TMPRSS4: variants seen among roughly 807,000 people sequenced by gnomAD.
The protein encoded by TMPRSS4 is transmembrane serine protease 4, also known as transmembrane protease serine 4.
In TMPRSS4, 45 loss-of-function variants were observed where a neutral mutation model predicts 56.4. That is an observed-to-expected ratio of 0.80 (90% CI 0.63 to 1.02). The LOEUF (loss-of-function observed/expected upper bound fraction) is 1.02. Ranked by LOEUF, TMPRSS4 falls within the 50% of genes least tolerant of loss-of-function variation. The pLI, the probability that TMPRSS4 is intolerant of heterozygous loss-of-function variation, is 0.00. For synonymous variants in TMPRSS4, 205 were observed against 211.0 expected (o/e 0.97, Z 0.25); for missense variants, 546 against 556.7 (o/e 0.98, Z 0.19).
At chr11:118,106,487 T>A (rs1167280277) in intron 5 of TMPRSS4, 2 of 143,144 alleles carry the variant, frequency 1.4e-5, no homozygotes, top group African/African-American at 5.4e-5. Flanking sequence ...AGTCCACGCA[T>A]CTTTTTTTTT....
chr11:118,117,765 A>G, intron 12 of TMPRSS4, 137 bp from the exon 13 acceptor site: 3 of 1,561,156 alleles, frequency 1.9e-6, no homozygotes, highest in Non-Finnish European at 2.6e-6. Context: ...GGAAAGGCTC[A>G]TGAGACCTCC....
intron 1 of TMPRSS4, among the ~76,000 whole-genome samples, chr11:118,092,633 T>C (rs758052254): frequency 1.3e-5 from 2 of 152,230 alleles, no homozygotes; most frequent in East Asian, 3.8e-4. Context: ...ATTTCTAATC[T>C]TGGGGCTAAC....
intron 1 of TMPRSS4, among the ~76,000 whole-genome samples, chr11:118,079,623 T>G (rs1242956171): frequency 6.6e-6 from 1 of 152,186 alleles, no homozygotes; most frequent in African/African-American, 2.4e-5. Context: ...ACGTGGGTGT[T>G]AACACCTGAG....
In TMPRSS4 at chr11:118,099,493, G is replaced by GAAAGAAAGAAAA. The variant is rs1946622446; in HGVS notation, c.157+404_157+405insAAAAAAGAAAGA. On this transcript the variant is annotated intron_variant, in intron 3 of 12. Coordinates refer to ENST00000437212, the MANE Select transcript of TMPRSS4 (RefSeq NM_019894.4). ...AAAGAAAGAAAGAAAAAGAAAGAAA[G>GAAAGAAAGAAAA]AAAGAAAGACATGTATCCACCCCCT... 2.6e-5 allele frequency among the ~76,000 whole-genome samples: 4 copies of GAAAGAAAGAAAA among 151,740 alleles called. No individual in the cohort carries two copies. The South Asian group carries it at 8.4e-4, about 32-fold the overall frequency.
At position 118,119,232 on chromosome 11, in the gene TMPRSS4, C is replaced by T. The variant is rs929455171; in HGVS notation, c.*1319C>T. The T allele has an allele frequency of 6.1e-6, 6 of 985,364 alleles. No homozygotes were observed. The African/African-American group carries it at 7.0e-5, about 11-fold the overall frequency. The allele number at this position is 985,364 out of a possible 1,614,324, so 61.0% of individuals were successfully genotyped here. ...GGAGCAATACACTAAAATCTTGGGT[C>T]GAGACCTATATGAAGGCTGGCAGTG... On this transcript the variant is annotated 3_prime_UTR_variant, in exon 13 of 13. Coordinates refer to ENST00000437212, the MANE Select transcript of TMPRSS4 (RefSeq NM_019894.4).
At chr11:118,112,325 C>T (rs975261128) in intron 8 of TMPRSS4, among the ~76,000 whole-genome samples, 4 of 150,334 alleles carry the variant, frequency 2.7e-5, no homozygotes, top group Admixed American at 2.0e-4. Flanking sequence ...TCCTTTCAGT[C>T]CACAGAGAAG....
intron 9 of TMPRSS4, 67 bp downstream of exon 9, chr11:118,113,502 C>G (rs1317421269): frequency 1.0e-5 from 16 of 1,562,370 alleles, no homozygotes; most frequent in African/African-American, 1.4e-5. Context: ...CTGCTATTAG[C>G]TCACTGACCG....
chr11:118,097,164 C>T (rs1229855837), intron 2 of TMPRSS4, among the ~76,000 whole-genome samples: 1 of 151,080 alleles, frequency 6.6e-6, no homozygotes, highest in Non-Finnish European at 1.5e-5. Flanking sequence ...GGACCAAGCA[C>T]TGTTCTAGGC....
intron 1 of TMPRSS4, among the ~76,000 whole-genome samples, chr11:118,082,422 G>A (rs376440406): frequency 6.6e-5 from 10 of 152,032 alleles, no homozygotes; most frequent in South Asian, 6.2e-4. Context: ...TTAGCCGAGC[G>A]CAGTAGCTCA....
In TMPRSS4 at chr11:118,120,770, C is replaced by T. The variant is rs549407511; in HGVS notation, c.*2857C>T. ...GGTAAATTCTAACATATCCAGAATC[C>T]CAGAAAGAGAGAATCAAGACAATGA... On this transcript the variant is annotated 3_prime_UTR_variant, in exon 13 of 13. Transcript: ENST00000437212. 1 of 151,888 alleles carries T rather than the reference C, an allele frequency of 6.6e-6. No individual in the cohort carries two copies. Among genetic ancestry groups the T allele is most frequent in the African/African-American group, 2.4e-5 (1 of 41,382 alleles). The allele number at this position is 151,888 out of a possible 1,614,324, so 9.4% of individuals were successfully genotyped here.
In TMPRSS4 at chr11:118,103,221, T is replaced by A. The variant is rs1329085009; in HGVS notation, c.278T>A (p.Val93Asp). The A allele has an allele frequency of 1.1e-5, 17 of 1,614,072 alleles. No homozygotes were observed. Among genetic ancestry groups the A allele is most frequent in the Non-Finnish European group, 1.4e-5 (16 of 1,180,008 alleles). ...TTGGGGGAGGACGAGGAGCACTGTG[T>A]CAAGAGCTTCCCCGAAGGGCCTGCA... is the stretch of plus-strand genomic sequence containing the variant. Reference protein sequence around the residue: ...CPLGEDEEHCVKSFPEGPAVA... With the variant: ...CPLGEDEEHCDKSFPEGPAVA... Residue 93 changes from valine (V) to aspartate (D), a missense_variant, in exon 4 of 13, where the codon GTC becomes GAC. Transcript: ENST00000437212.
intron 3 of TMPRSS4, among the ~76,000 whole-genome samples, chr11:118,099,550 A>G (rs1299334901): frequency 6.6e-6 from 1 of 152,196 alleles, no homozygotes; most frequent in Non-Finnish European, 1.5e-5. Flanking sequence ...TAAAAGTGAA[A>G]GGGGAGATGA....
chr11:118,119,459 C>T lies in TMPRSS4; in HGVS notation c.*1546C>T, dbSNP rs1335007456. 12 of 704,832 alleles carry T rather than the reference C, an allele frequency of 1.7e-5. No homozygotes were observed. The highest frequency in any genetic ancestry group is 1.9e-5 in the African/African-American group (1 of 51,892). The allele number at this position is 704,832 out of a possible 1,614,324, so 43.7% of individuals were successfully genotyped here. On this transcript the variant is annotated 3_prime_UTR_variant, in exon 13 of 13. Transcript: ENST00000437212. ...ATCAGAGACGTTGAAAAATAAAAAA[C>T]ACCTTAAGTGGGCAGCATAAAAAAC...
Position 118,104,824 on chromosome 11 carries a change from A to G in TMPRSS4, c.440+4A>G. 6.3e-7 allele frequency: 1 copy of G among 1,585,652 alleles called. No homozygotes were observed. The highest frequency in any genetic ancestry group is 1.1e-5 in the South Asian group (1 of 87,680). On this transcript the variant is annotated splice_donor_region_variant and intron_variant, in intron 5 of 12. Coordinates refer to ENST00000437212, the MANE Select transcript of TMPRSS4 (RefSeq NM_019894.4). The stretch of plus-strand genomic sequence containing the variant: ...GTAGGCAGATGGGCTACAGCAGGTA[A>G]CCAACCTGGGCCTCTCTCCTTTTTC...
Position 118,120,933 on chromosome 11 carries a change from T to A in TMPRSS4, c.*3020T>A, listed in dbSNP as rs1947771739. 6.6e-6 allele frequency: 1 copy of A among 152,180 alleles called. No individual in the cohort carries two copies. The highest frequency in any genetic ancestry group is 2.4e-5 in the African/African-American group (1 of 41,444). The allele number at this position is 152,180 out of a possible 1,614,324, so 9.4% of individuals were successfully genotyped here. ...AAATTAGAATAAATCCACACCTATG[T>A]ACATTATAATGAAACTGCAGAACAC... On this transcript the variant is annotated 3_prime_UTR_variant, in exon 13 of 13. Transcript: ENST00000437212.
In TMPRSS4 at chr11:118,118,932, T is replaced by A; in HGVS notation, c.*1019T>A. ...CAGTCCCCAAGCTGAGTTGTGAGGA[T>A]GTAAGCATGAATAAGTCCCTGCACT... On this transcript the variant is annotated 3_prime_UTR_variant, in exon 13 of 13. Coordinates refer to ENST00000437212, the MANE Select transcript of TMPRSS4 (RefSeq NM_019894.4). The A allele has an allele frequency of 1.0e-6, 1 of 985,394 alleles. No homozygotes were observed. The highest frequency in any genetic ancestry group is 1.2e-6 in the Non-Finnish European group (1 of 829,932). The allele number at this position is 985,394 out of a possible 1,614,324, so 61.0% of individuals were successfully genotyped here.
At chr11:118,080,864 T>C (rs1283648073) in intron 1 of TMPRSS4, among the ~76,000 whole-genome samples, 1 of 152,220 alleles carries the variant, frequency 6.6e-6, no homozygotes. Context: ...TCAGTCTTCC[T>C]TCCTGCTCAG....
At chr11:118,079,002 C>T (rs1661621221) in intron 1 of TMPRSS4, among the ~76,000 whole-genome samples, 1 of 152,120 alleles carries the variant, frequency 6.6e-6, no homozygotes, top group Admixed American at 6.5e-5. Flanking sequence ...CTGGGTAGTA[C>T]ACCCAACACA....
chr11:118,077,401 C>T, intron 1 of TMPRSS4, 96 bp downstream of exon 1: 1 of 1,397,634 alleles, frequency 7.2e-7, no homozygotes, highest in East Asian at 2.7e-5. Context: ...GCTGAGAATT[C>T]TGTGACACCT....
Sources: allele counts gnomAD v4.1 joint callset (sites outside exome capture counted in the v4.1 genomes callset), GRCh38; gene constraint gnomAD v4.1.1; transcripts MANE v1.5; gene names NCBI Gene and HGNC (gene_info 2026-07-23, HGNC 2026-07-21).